Variants in RUNX1T1 observed in about 807,000 individuals in gnomAD.
RUNX1T1 encodes the protein RUNX1 partner transcriptional co-repressor 1, also known as protein CBFA2T1.
Under a neutral mutation model 62.8 loss-of-function variants are expected in RUNX1T1, and 4 were observed. The ratio of observed to expected loss-of-function variants is 0.06; its 90% confidence interval spans 0.03 to 0.15. RUNX1T1 has a LOEUF of 0.15. Among genes scored for constraint, RUNX1T1 ranks in the 10% least tolerant of loss-of-function variants. The pLI, the probability that RUNX1T1 is intolerant of heterozygous loss-of-function variation, is 1.00. For missense variants in RUNX1T1, 508 were observed against 754.3 expected, an observed-to-expected ratio of 0.67 and a Z score of 3.82; for synonymous variants, 291 against 286.0, an observed-to-expected ratio of 1.02 and a Z score of -0.18.
Position 92,027,413 on chromosome 8 carries a change from A to G in RUNX1T1, c.8-10050T>C, listed in dbSNP as rs977581345. On this transcript the variant is annotated intron_variant, in intron 1 of 10. Transcript: ENST00000396218. ...TGTGGCAGAAGTCCATGGAGGTGAC[A>G]AGGCAGCCCAAAGGGATGGGGAGCA... Among the ~76,000 whole-genome samples the G allele has an allele frequency of 1.9e-4, 29 of 152,268 alleles. No homozygotes were observed. The Middle Eastern group carries it at 0.01, about 54-fold the overall frequency.
intron 1 of RUNX1T1, among the ~76,000 whole-genome samples, chr8:92,047,945 C>G (rs763802975): frequency 4.6e-5 from 7 of 152,166 alleles, no homozygotes; most frequent in Non-Finnish European, 8.8e-5. Context: ...TGTCAGGGAT[C>G]TGAGCTTTGA....
Position 92,062,553 on chromosome 8 carries a change from C to T in RUNX1T1, c.-1G>A, listed in dbSNP as rs1172886443. 3 of 1,613,944 alleles carry T rather than the reference C, an allele frequency of 1.9e-6. No individual in the cohort carries two copies. The East Asian group carries it at 6.7e-5, about 36-fold the overall frequency. On this transcript the variant is annotated 5_prime_UTR_variant, in exon 1 of 11. Coordinates refer to ENST00000396218, the Ensembl canonical transcript of RUNX1T1. Reference sequence around the variant, plus strand: ...AGAACAGGGCTAACTCACCAGGCATCCTTGAATCCAGCGTACCACACAGAA... The same window carrying T: ...AGAACAGGGCTAACTCACCAGGCATTCTTGAATCCAGCGTACCACACAGAA...
intron 8 of RUNX1T1, among the ~76,000 whole-genome samples, chr8:91,978,039 A>G (rs935341879): frequency 1.3e-5 from 2 of 152,160 alleles, no homozygotes; most frequent in African/African-American, 4.8e-5. Context: ...CTGACCTCCC[A>G]AAGTGCTGGA....
intron 1 of RUNX1T1, among the ~76,000 whole-genome samples, chr8:92,056,542 A>G (rs1434325900): frequency 6.6e-6 from 1 of 152,214 alleles, no homozygotes; most frequent in Non-Finnish European, 1.5e-5. Context: ...AGCCTTTAAA[A>G]GCGAAATGTG....
In RUNX1T1 at chr8:92,004,359, A is replaced by G. The variant is rs535362577; in HGVS notation, c.659+757T>C. 2.0e-5 allele frequency: 3 copies of G among 152,362 alleles called. No homozygotes were observed. The South Asian group carries it at 6.2e-4, about 32-fold the overall frequency. The allele number at this position is 152,362 out of a possible 1,614,324, so 9.4% of individuals were successfully genotyped here. ...GATGCTAATAAGACTTTGCATTCCT[A>G]TATCAGAAGATAATTATAGATGAGG... On this transcript the variant is annotated intron_variant, in intron 5 of 10. Transcript: ENST00000396218.
In RUNX1T1 at chr8:92,060,553, A is replaced by ATATATATATATATGTGTGTGTG; in HGVS notation, c.7+1992_7+1993insCACACACACATATATATATATA. On this transcript the variant is annotated intron_variant, in intron 1 of 10. Coordinates refer to ENST00000396218, the Ensembl canonical transcript of RUNX1T1. ...TATATATATATATATATATATATAT[A>ATATATATATATATGTGTGTGTG]TGTGTGTGTGTGTGTGTGTGTGTGT... is the stretch of plus-strand genomic sequence containing the variant. Among the ~76,000 whole-genome samples the ATATATATATATATGTGTGTGTG allele has an allele frequency of 5.9e-4, 38 of 63,928 alleles. 1 individual carries two copies. Among genetic ancestry groups the ATATATATATATATGTGTGTGTG allele is most frequent in the South Asian group, 2.7e-3 (5 of 1,820 alleles). The allele number at this position is 63,928 out of a possible 152,430, so 41.9% of individuals were successfully genotyped here.
intron 1 of RUNX1T1, among the ~76,000 whole-genome samples, chr8:92,079,456 G>A (rs1171013208): frequency 6.6e-6 from 1 of 152,064 alleles, no homozygotes; most frequent in Non-Finnish European, 1.5e-5. Context: ...CTAATTTGAA[G>A]GAGTAGTGAA....
chr8:92,080,593 G>A (rs1835097319), intron 1 of RUNX1T1, among the ~76,000 whole-genome samples: 1 of 152,210 alleles, frequency 6.6e-6, no homozygotes, highest in Non-Finnish European at 1.5e-5. Context: ...AGCTGTTGTA[G>A]AAATGAGATC....
At chr8:92,071,651 G>T (rs1008969975) in intron 2 of RUNX1T1, among the ~76,000 whole-genome samples, 2 of 152,178 alleles carry the variant, frequency 1.3e-5, no homozygotes, top group Non-Finnish European at 2.9e-5. Flanking sequence ...CCAGCCTGAC[G>T]CTGGCGGACA....
At position 92,030,370 on chromosome 8, in the gene RUNX1T1, C is replaced by T. The variant is rs113340534; in HGVS notation, c.8-13007G>A. 5.8e-4 allele frequency among the ~76,000 whole-genome samples: 88 copies of T among 152,240 alleles called. 1 individual carries two copies. The highest frequency in any genetic ancestry group is 3.4e-3 in the Middle Eastern group (1 of 294). On this transcript the variant is annotated intron_variant, in intron 1 of 10. Coordinates refer to ENST00000396218, the Ensembl canonical transcript of RUNX1T1. ...TTATCATATCAACTCAGTCCCAGAA[C>T]GTATCACATTGCCAAGTACTTAGTA...
intron 1 of RUNX1T1, among the ~76,000 whole-genome samples, chr8:92,078,933 G>A (rs1473122248): frequency 1.3e-5 from 2 of 152,160 alleles, no homozygotes; most frequent in Non-Finnish European, 2.9e-5. Context: ...ATATGGCCTT[G>A]GCAAATCATT....
At chr8:92,014,769 G>A (rs1271329525) in exon 3 of RUNX1T1, 1 of 1,613,790 alleles carries the variant, frequency 6.2e-7, no homozygotes. Context: ...GCCATTGGGT[G>A]GTGAGGGGGC....
intron 1 of RUNX1T1, among the ~76,000 whole-genome samples, chr8:92,095,999 G>C (rs140576666): frequency 6.6e-6 from 1 of 152,170 alleles, no homozygotes; most frequent in African/African-American, 2.4e-5. Flanking sequence ...TGAGTCTATA[G>C]AGCAGTTAAG....
intron 1 of RUNX1T1, among the ~76,000 whole-genome samples, chr8:92,077,458 C>A (rs1340216560): frequency 6.6e-6 from 1 of 151,786 alleles, no homozygotes; most frequent in Non-Finnish European, 1.5e-5. Flanking sequence ...GTGCACACAG[C>A]GGGGAAGACT....
At chr8:91,955,605 A>G, downstream of RUNX1T1, 1 of 226,436 alleles carries the variant, frequency 4.4e-6, no homozygotes. Flanking sequence ...CAAGAAGGAA[A>G]CTAGAGGGCT....
intron 5 of RUNX1T1, among the ~76,000 whole-genome samples, chr8:92,001,365 G>GA (rs1030809303): frequency 4.6e-5 from 7 of 151,696 alleles, no homozygotes; most frequent in South Asian, 2.1e-4. Flanking sequence ...CATGCCTAAG[G>GA]AAAAAAAACA....
chr8:92,090,441 C>G (rs1309995612), intron 1 of RUNX1T1, among the ~76,000 whole-genome samples: 2 of 151,980 alleles, frequency 1.3e-5, no homozygotes, highest in African/African-American at 2.4e-5. Flanking sequence ...AGTTCAACAA[C>G]AACAACAACA....
At chr8:92,064,161 C>T (rs527502156), upstream of RUNX1T1, among the ~76,000 whole-genome samples, 10 of 152,296 alleles carry the variant, frequency 6.6e-5, no homozygotes, top group Middle Eastern at 6.8e-3. Context: ...CATACCCACA[C>T]ACACTCTCCG....
chr8:91,959,704 AAGTTC>A (rs1810038518), exon 11 of RUNX1T1: 1 of 228,970 alleles, frequency 4.4e-6, no homozygotes. Context: ...CGGGTCTTCA[AAGTTC>A]AGTTAGCAAC....
Sources: gnomAD v4.1 joint callset for allele counts (sites outside exome capture counted in the v4.1 genomes callset) on GRCh38, gnomAD v4.1.1 for gene constraint, MANE v1.5 for transcripts, NCBI Gene and HGNC (gene_info 2026-07-23, HGNC 2026-07-21) for gene names.